Variants in TEX26 observed in about 807,000 individuals in gnomAD.
TEX26 encodes testis expressed 26.
In TEX26, 34 loss-of-function variants were observed where a neutral mutation model predicts 35.3. The observed-to-expected ratio is 0.96, with a 90% confidence interval of 0.73 to 1.28. The LOEUF (loss-of-function observed/expected upper bound fraction) is 1.28, where lower values mean the gene tolerates loss of function less well. Among genes scored for constraint, TEX26 ranks in the 50% most tolerant of loss-of-function variants. The pLI, the probability that TEX26 is intolerant of heterozygous loss-of-function variation, is 0.00. For missense variants in TEX26, 371 were observed against 330.1 expected (o/e 1.12, Z -0.96); for synonymous variants, 136 against 111.8 (o/e 1.22, Z -1.36).
At chr13:30,948,102 G>A (rs1953781673) in intron 2 of TEX26, among the ~76,000 whole-genome samples, 1 of 152,078 alleles carries the variant, frequency 6.6e-6, no homozygotes, top group African/African-American at 2.4e-5. Flanking sequence ...GTATTCCATG[G>A]TGTATATGTG....
intron 2 of TEX26, among the ~76,000 whole-genome samples, chr13:30,940,396 C>T (rs1275527109): frequency 1.6e-5 from 2 of 124,866 alleles, no homozygotes; most frequent in Admixed American, 1.0e-4. Context: ...TGCAGTGGTA[C>T]GATCTCGGCT....
At chr13:30,950,480 G>T (rs902850598) in intron 2 of TEX26, among the ~76,000 whole-genome samples, 1 of 152,112 alleles carries the variant, frequency 6.6e-6, no homozygotes, top group African/African-American at 2.4e-5. Context: ...CCAGCTAATG[G>T]TATGTCCCAG....
At chr13:30,939,113 A>G (rs1953382006) in intron 1 of TEX26, among the ~76,000 whole-genome samples, 1 of 152,264 alleles carries the variant, frequency 6.6e-6, no homozygotes, top group African/African-American at 2.4e-5. Flanking sequence ...AAATGTTGAT[A>G]ACTGAAACCC....
At chr13:30,938,397 A>G (rs1346020088) in intron 1 of TEX26, among the ~76,000 whole-genome samples, 1 of 152,206 alleles carries the variant, frequency 6.6e-6, no homozygotes, top group African/African-American at 2.4e-5. Context: ...TGATGGTTCT[A>G]GAGGATGGAA....
intron 4 of TEX26, among the ~76,000 whole-genome samples, chr13:30,962,799 C>T (rs1447425315): frequency 6.6e-6 from 1 of 150,518 alleles, no homozygotes; most frequent in Non-Finnish European, 1.5e-5. Context: ...TGTCAATGGT[C>T]CTAATGGGTT....
intron 1 of TEX26, among the ~76,000 whole-genome samples, chr13:30,937,458 T>C (rs1269347440): frequency 6.6e-6 from 1 of 152,236 alleles, no homozygotes; most frequent in Non-Finnish European, 1.5e-5. Flanking sequence ...CAGAATATCC[T>C]TCCTGATTGT....
chr13:30,949,754 T>C (rs998049090), intron 2 of TEX26, among the ~76,000 whole-genome samples: 2 of 152,104 alleles, frequency 1.3e-5, no homozygotes, highest in Non-Finnish European at 2.9e-5. Flanking sequence ...TATTCTCATG[T>C]ATATAGAATT....
In TEX26 at chr13:30,974,987, C is replaced by T. The variant is rs537465000; in HGVS notation, c.*80C>T. On this transcript the variant is annotated 3_prime_UTR_variant, in exon 7 of 7. Transcript: ENST00000380473. ...CATTCCTAGTCATTTTCTCAATTAT[C>T]AAGGAAAAATAAGATGCAAATAGCT... 9.9e-7 allele frequency: 1 copy of T among 1,007,948 alleles called. No homozygotes were observed. Among genetic ancestry groups the T allele is most frequent in the African/African-American group, 1.7e-5 (1 of 59,394 alleles). 62.4% of individuals were successfully genotyped at this position (1,007,948 alleles called of 1,614,324 possible). A position where few individuals can be genotyped will look rare whatever the true frequency, so the allele number is the denominator to read the frequency against.
In TEX26 at chr13:30,966,335, C is replaced by T; in HGVS notation, c.583C>T (p.Leu195Phe). ...CCAAATTCCAGCTAAAATTCCTGAGCTTCAAGATTTCAGTTTCAAATATGG... is the reference window on the plus strand; with the variant it reads ...CCAAATTCCAGCTAAAATTCCTGAGTTTCAAGATTTCAGTTTCAAATATGG... ...NYQIPAKIPE[L>F]QDFSFKYGCY... is the part of the protein sequence containing the mutation. The change falls in exon 5 of 7, where the codon CTT (leucine) becomes TTT (phenylalanine). Residue 195 changes from leucine (L) to phenylalanine (F), a missense_variant. Transcript: ENST00000380473. The T allele has an allele frequency of 2.5e-6, 4 of 1,614,034 alleles. No homozygotes were observed. Among genetic ancestry groups the T allele is most frequent in the Non-Finnish European group, 3.4e-6 (4 of 1,180,022 alleles).
Position 30,952,701 on chromosome 13 carries a change from G to C in TEX26, c.188G>C (p.Ser63Thr). ...IRRLGYTYSL[S>T]DPILNQTQYS... ...AGATTAGGATATACATATTCACTTA[G>C]TGATCCTATTCTCAATCAGACACAA... The change falls in exon 3 of 7, where the codon AGT becomes ACT. Residue 63 changes from serine (S) to threonine (T), a missense_variant. Physicochemically the swap from Ser to Thr is moderately conservative, Grantham distance 58. Coordinates refer to ENST00000380473, the MANE Select transcript of TEX26 (RefSeq NM_152325.3). 9 of 1,609,472 alleles carry C rather than the reference G, an allele frequency of 5.6e-6. No individual in the cohort carries two copies. The highest frequency in any genetic ancestry group is 7.6e-6 in the Non-Finnish European group (9 of 1,178,288).
At position 30,956,952 on chromosome 13, in the gene TEX26, C is replaced by T. The variant is rs1385430029; in HGVS notation, c.392C>T (p.Ser131Leu). The T allele has an allele frequency of 6.2e-7, 1 of 1,614,076 alleles. No homozygotes were observed. The highest frequency in any genetic ancestry group is 8.5e-7 in the Non-Finnish European group (1 of 1,180,012). Residue 131 changes from serine (S) to leucine (L), a missense_variant, in exon 4 of 7, where the codon TCA becomes TTA. Physicochemically the swap from Ser to Leu is moderately radical, Grantham distance 145 (BLOSUM62 -2). Transcript: ENST00000380473. Reference protein sequence around the residue: ...KNCLPWKIPASMKEVNKALSN... With the variant: ...KNCLPWKIPALMKEVNKALSN... Reference sequence around the variant, plus strand: ...TGCCTCCCTTGGAAAATCCCGGCTTCAATGAAAGAAGTTAACAAGGCACTA... The same window carrying T: ...TGCCTCCCTTGGAAAATCCCGGCTTTAATGAAAGAAGTTAACAAGGCACTA...
chr13:30,954,919 C>T (rs1202738752), intron 3 of TEX26, among the ~76,000 whole-genome samples: 2 of 152,188 alleles, frequency 1.3e-5, no homozygotes, highest in East Asian at 3.9e-4. Context: ...GCTAGTGTGG[C>T]TGACTGTCCT....
At chr13:30,949,725 G>T (rs1018065312) in intron 2 of TEX26, among the ~76,000 whole-genome samples, 1 of 151,918 alleles carries the variant, frequency 6.6e-6, no homozygotes, top group African/African-American at 2.4e-5. Flanking sequence ...ATAATAAAAA[G>T]CATAATGTTT....
chr13:30,954,386 C>A (rs1405740397), intron 3 of TEX26, among the ~76,000 whole-genome samples: 3 of 144,888 alleles, frequency 2.1e-5, no homozygotes, highest in African/African-American at 7.6e-5. Flanking sequence ...ATATATATAT[C>A]TAAATTATAT....
intron 5 of TEX26, among the ~76,000 whole-genome samples, chr13:30,968,626 T>C (rs1593609976): frequency 6.6e-6 from 1 of 152,272 alleles, no homozygotes; most frequent in African/African-American, 2.4e-5. Context: ...AAAGTGATGG[T>C]CAAACTCACC....
rs780413623 is a variant in TEX26 at position 30,952,682 on chromosome 13, G to A, written c.169G>A (p.Gly57Arg). The A allele has an allele frequency of 1.9e-6, 3 of 1,604,022 alleles. No homozygotes were observed. The highest frequency in any genetic ancestry group is 1.7e-6 in the Non-Finnish European group (2 of 1,176,622). ...LIRQNGIRRL[G>R]YTYSLSDPIL... ...TAGCCAAAACGGTATCAGAAGATTA[G>A]GATATACATATTCACTTAGTGATCC... Residue 57 changes from glycine to arginine, a missense_variant, in exon 3 of 7, where the codon GGA (glycine) becomes AGA (arginine). Gly to Arg is a moderately radical substitution (Grantham distance 125, BLOSUM62 -2). Transcript: ENST00000380473.
At chr13:30,939,437 T>C (rs1433883368) in intron 1 of TEX26, among the ~76,000 whole-genome samples, 1 of 152,242 alleles carries the variant, frequency 6.6e-6, no homozygotes, top group African/African-American at 2.4e-5. Flanking sequence ...TTTTTATGTC[T>C]GTCTTTAATT....
chr13:30,972,849 C>G (rs1315494013), intron 6 of TEX26, among the ~76,000 whole-genome samples: 1 of 152,224 alleles, frequency 6.6e-6, no homozygotes. Context: ...GTTGGCCAGG[C>G]TGGTCTCAAA....
intron 2 of TEX26, among the ~76,000 whole-genome samples, chr13:30,943,787 G>A (rs1266683716): frequency 6.6e-6 from 1 of 151,952 alleles, no homozygotes; most frequent in African/African-American, 2.4e-5. Flanking sequence ...ATATGTTAAA[G>A]CATGCCTGCA....
Sources: allele counts gnomAD v4.1 joint callset (sites outside exome capture counted in the v4.1 genomes callset), GRCh38; gene constraint gnomAD v4.1.1; transcripts MANE v1.5; gene names NCBI Gene and HGNC (gene_info 2026-07-23, HGNC 2026-07-21).